Variants in SFMBT2 observed in about 807,000 individuals in gnomAD.
SFMBT2 encodes Scm like with four mbt domains 2, also known as scm-like with four MBT domains protein 2.
SFMBT2 carries 38 observed loss-of-function variants against 110.1 expected under a neutral mutation model. The observed-to-expected ratio is 0.35, with a 90% CI of 0.27 to 0.45. The LOEUF (loss-of-function observed/expected upper bound fraction) is 0.45. Ranked by LOEUF, SFMBT2 falls within the 20% of genes least tolerant of loss-of-function variation. The probability of loss-of-function intolerance (pLI) is 1.00; values close to 1 mark genes in which losing one functional copy is unlikely to be tolerated. For synonymous variants in SFMBT2, 425 were observed against 425.4 expected, an observed-to-expected ratio of 1.00 and a Z score of 0.01; for missense variants, 1,011 against 1,094.9, an observed-to-expected ratio of 0.92 and a Z score of 1.08.
intron 4 of SFMBT2, among the ~76,000 whole-genome samples, chr10:7,300,745 T>C (rs764034467): frequency 6.6e-6 from 1 of 152,242 alleles, no homozygotes; most frequent in African/African-American, 2.4e-5. Flanking sequence ...TAATAAACAA[T>C]TGGCAAATGC....
intron 16 of SFMBT2, among the ~76,000 whole-genome samples, chr10:7,178,468 A>G (rs1838142618): frequency 6.6e-6 from 1 of 152,176 alleles, no homozygotes; most frequent in Admixed American, 6.5e-5. Context: ...AAGAGATGGC[A>G]CTGTCTTGCC....
In SFMBT2 at chr10:7,410,999, C is replaced by T. The variant is rs914148716; in HGVS notation, c.-190G>A. On this transcript the variant is annotated 5_prime_UTR_variant, in exon 1 of 21. Transcript: ENST00000397167. Reference sequence around the variant, plus strand: ...CGCCGCCTCCCTCGCGCGCCCGCTCCGGTCCTCCGGCTCCCACTACAGCTC... The same window carrying T: ...CGCCGCCTCCCTCGCGCGCCCGCTCTGGTCCTCCGGCTCCCACTACAGCTC... Among the ~76,000 whole-genome samples the T allele has an allele frequency of 6.6e-6, 1 of 150,448 alleles. No homozygotes were observed. Among genetic ancestry groups the T allele is most frequent in the East Asian group, 2.0e-4 (1 of 5,052 alleles).
chr10:7,403,969 C>G (rs972921024), intron 1 of SFMBT2, among the ~76,000 whole-genome samples: 27 of 152,098 alleles, frequency 1.8e-4, no homozygotes, highest in African/African-American at 6.0e-4. Flanking sequence ...TGGAATGCTC[C>G]TAACACAAAG....
At chr10:7,190,698 G>T (rs986572497) in intron 15 of SFMBT2, among the ~76,000 whole-genome samples, 7 of 152,198 alleles carry the variant, frequency 4.6e-5, no homozygotes, top group Non-Finnish European at 2.9e-5. Context: ...ATTGTGCTTT[G>T]CAAAACACTG....
At chr10:7,304,765 CTT>C (rs1164727841) in intron 4 of SFMBT2, among the ~76,000 whole-genome samples, 1 of 152,228 alleles carries the variant, frequency 6.6e-6, no homozygotes, top group Non-Finnish European at 1.5e-5. Flanking sequence ...AAGGAAATCT[CTT>C]GTCTGGACAG....
intron 10 of SFMBT2, among the ~76,000 whole-genome samples, chr10:7,223,477 A>C (rs1028869000): frequency 1.3e-5 from 2 of 152,070 alleles, no homozygotes; most frequent in Non-Finnish European, 1.5e-5. Flanking sequence ...TGGGTCTTCA[A>C]TTCTACATAA....
At chr10:7,304,882 C>T (rs1173033756) in intron 4 of SFMBT2, among the ~76,000 whole-genome samples, 6 of 152,208 alleles carry the variant, frequency 3.9e-5, no homozygotes, top group African/African-American at 1.4e-4. Context: ...CCATGTCAGT[C>T]ACCTCCTAAT....
At chr10:7,348,055 A>G (rs778595606) in intron 4 of SFMBT2, 6 of 369,576 alleles carry the variant, frequency 1.6e-5, no homozygotes, top group Non-Finnish European at 2.9e-5. Context: ...CTAATGAAAC[A>G]TTACTCCAAA....
chr10:7,164,054 C>G, intron 20 of SFMBT2, 144 bp from the exon 21 acceptor site: 3 of 1,380,508 alleles, frequency 2.2e-6, no homozygotes, highest in Non-Finnish European at 2.8e-6. Flanking sequence ...GGTAGAGATA[C>G]CAGCCCGGCT....
At chr10:7,395,767 A>T (rs1455365388) in intron 1 of SFMBT2, among the ~76,000 whole-genome samples, 3 of 143,770 alleles carry the variant, frequency 2.1e-5, no homozygotes, top group African/African-American at 7.9e-5. Flanking sequence ...TGTTATGTGG[A>T]TGTAAAATTT....
At chr10:7,218,177 T>C (rs781068633) in intron 11 of SFMBT2, among the ~76,000 whole-genome samples, 34 of 152,154 alleles carry the variant, frequency 2.2e-4, no homozygotes, top group Non-Finnish European at 1.2e-4. Flanking sequence ...AAATGGCCTA[T>C]AATCGGAATA....
In SFMBT2 at chr10:7,248,652, G is replaced by T. The variant is rs767644191; in HGVS notation, c.871-3C>A. 1.9e-6 allele frequency: 3 copies of T among 1,613,668 alleles called. No homozygotes were observed. The South Asian group carries it at 3.3e-5, about 18-fold the overall frequency. ...TGGCTTCGCAAATCTGCGTGATCCT[G>T]CAGGGAGAAAGATGAAAATATTGAA... On this transcript the variant is annotated splice_region_variant and splice_polypyrimidine_tract_variant and intron_variant, in intron 7 of 20. Transcript: ENST00000397167.
intron 16 of SFMBT2, among the ~76,000 whole-genome samples, chr10:7,182,071 G>A (rs1048007655): frequency 6.6e-6 from 1 of 151,844 alleles, no homozygotes; most frequent in Non-Finnish European, 1.5e-5. Flanking sequence ...TTTGAGACAG[G>A]CTCTCACCCA....
intron 1 of SFMBT2, among the ~76,000 whole-genome samples, chr10:7,388,564 C>T (rs969324232): frequency 4.7e-5 from 6 of 127,920 alleles, no homozygotes; most frequent in Admixed American, 9.2e-5. Flanking sequence ...TTAGTAGAGA[C>T]GGAATTTCAC....
chr10:7,345,980 C>T (rs1844095964), intron 4 of SFMBT2, among the ~76,000 whole-genome samples: 1 of 152,180 alleles, frequency 6.6e-6, no homozygotes. Context: ...ACTGCTATTT[C>T]GCAGAGCACT....
chr10:7,248,019 A>G (rs1293219220), intron 8 of SFMBT2, among the ~76,000 whole-genome samples: 2 of 152,210 alleles, frequency 1.3e-5, no homozygotes, highest in East Asian at 3.9e-4. Flanking sequence ...CTGCTGGGAT[A>G]TTACAATCTT....
chr10:7,275,806 G>C (rs976110918), intron 7 of SFMBT2, among the ~76,000 whole-genome samples: 1 of 152,212 alleles, frequency 6.6e-6, no homozygotes, highest in Non-Finnish European at 1.5e-5. Flanking sequence ...GGCTGAGTGA[G>C]GACTTAGGTG....
At chr10:7,280,625 T>A (rs1012242890) in intron 6 of SFMBT2, among the ~76,000 whole-genome samples, 2 of 152,130 alleles carry the variant, frequency 1.3e-5, no homozygotes, top group African/African-American at 4.8e-5. Context: ...ACCTTAAGAC[T>A]CTGATCACAG....
intron 4 of SFMBT2, among the ~76,000 whole-genome samples, chr10:7,358,934 C>T (rs1167603615): frequency 1.3e-5 from 2 of 152,214 alleles, no homozygotes; most frequent in Admixed American, 6.5e-5. Flanking sequence ...AATATGGAGC[C>T]ATGAGAGAAG....
Sources: gnomAD v4.1 joint callset for allele counts (sites outside exome capture counted in the v4.1 genomes callset) on GRCh38, gnomAD v4.1.1 for gene constraint, MANE v1.5 for transcripts, NCBI Gene and HGNC (gene_info 2026-07-23, HGNC 2026-07-21) for gene names.